Variants in MAF observed in about 807,000 individuals in gnomAD.
The protein encoded by MAF is MAF bZIP transcription factor.
A neutral mutation model predicts 22.0 loss-of-function variants in MAF; 10 were observed. That is an observed-to-expected ratio of 0.45 (90% CI 0.28 to 0.77). The LOEUF (loss-of-function observed/expected upper bound fraction) is 0.77. Among genes scored for constraint, MAF ranks in the 30% least tolerant of loss-of-function variants. The pLI is 0.12. For synonymous variants in MAF, 337 were observed against 255.8 expected (o/e 1.32, Z -3.03); for missense variants, 544 against 548.4 (o/e 0.99, Z 0.08).
chr16:79,424,879 A>T, the MAF span, among the ~76,000 whole-genome samples: 1 of 152,216 alleles, frequency 6.6e-6, no homozygotes, highest in Non-Finnish European at 1.5e-5. Flanking sequence ...CAATATCTAC[A>T]TATTTTCATT....
chr16:79,355,800 C>CGGCG, the MAF span, among the ~76,000 whole-genome samples: 1 of 152,240 alleles, frequency 6.6e-6, no homozygotes, highest in East Asian at 1.9e-4. Context: ...TGGCTATGGG[C>CGGCG]GGCGTGTGGG....
chr16:79,428,469 C>T, the MAF span, among the ~76,000 whole-genome samples: 6 of 152,258 alleles, frequency 3.9e-5, no homozygotes, highest in East Asian at 1.2e-3. Context: ...CTGGCATTTT[C>T]CTTTCAATTT....
At chr16:79,594,938 A>C in intron 1 of MAF, 1 of 1,123,484 alleles carries the variant, frequency 8.9e-7, no homozygotes, top group Non-Finnish European at 1.1e-6. Flanking sequence ...GCTTAATTCT[A>C]CACAACTATA....
downstream of MAF, among the ~76,000 whole-genome samples, chr16:79,591,471 T>C (rs1328207904): frequency 6.6e-6 from 1 of 152,176 alleles, no homozygotes; most frequent in Non-Finnish European, 1.5e-5. Context: ...ACAGTTCTAA[T>C]TATAGGGAAA....
chr16:79,566,317 C>T, the MAF span, among the ~76,000 whole-genome samples: 1 of 152,164 alleles, frequency 6.6e-6, no homozygotes, highest in African/African-American at 2.4e-5. Context: ...ATCTTAGGGT[C>T]TTACAAAAGG....
chr16:79,497,517 G>T, the MAF span, among the ~76,000 whole-genome samples: 1 of 152,200 alleles, frequency 6.6e-6, no homozygotes, highest in Non-Finnish European at 1.5e-5. Context: ...CCTATACCTA[G>T]CTCTTTTTTA....
chr16:79,419,591 T>A, the MAF span, among the ~76,000 whole-genome samples: 1 of 152,178 alleles, frequency 6.6e-6, no homozygotes, highest in Non-Finnish European at 1.5e-5. Flanking sequence ...ATCTTCCATG[T>A]CTGTTCTGGA....
chr16:79,426,824 AG>A, the MAF span, among the ~76,000 whole-genome samples: 1 of 152,236 alleles, frequency 6.6e-6, no homozygotes, highest in Non-Finnish European at 1.5e-5. Context: ...GGCTGGCGTG[AG>A]CCCGGAGTGC....
the MAF span, among the ~76,000 whole-genome samples, chr16:79,220,112 C>T: frequency 2.0e-5 from 3 of 151,774 alleles, no homozygotes; most frequent in African/African-American, 2.4e-5. Flanking sequence ...AAAAATTAGC[C>T]GGGTGTGGTG....
At chr16:79,385,118 C>A in the MAF span, among the ~76,000 whole-genome samples, 1 of 152,064 alleles carries the variant, frequency 6.6e-6, no homozygotes, top group Admixed American at 6.5e-5. Context: ...TTTTCAATAT[C>A]TTTATTCAAA....
the MAF span, among the ~76,000 whole-genome samples, chr16:79,359,564 A>T: frequency 6.6e-6 from 1 of 152,232 alleles, no homozygotes; most frequent in Non-Finnish European, 1.5e-5. Context: ...AGCCAGCCCC[A>T]ATTGCTGTTC....
the MAF span, among the ~76,000 whole-genome samples, chr16:79,576,658 C>T: frequency 4.6e-5 from 7 of 152,086 alleles, no homozygotes; most frequent in African/African-American, 9.6e-5. Context: ...AATATCATAA[C>T]GGCAAAGTGA....
At chr16:79,570,232 G>T in the MAF span, among the ~76,000 whole-genome samples, 1 of 151,994 alleles carries the variant, frequency 6.6e-6, no homozygotes, top group Non-Finnish European at 1.5e-5. Flanking sequence ...CACTACCTAA[G>T]CATCCTTCTG....
At chr16:79,202,967 G>C in the MAF span, 1 of 152,180 alleles carries the variant, frequency 6.6e-6, no homozygotes, top group African/African-American at 2.4e-5. Context: ...TCTATGCTAA[G>C]GTGTTGCATA....
At chr16:79,303,453 C>A in the MAF span, among the ~76,000 whole-genome samples, 2 of 152,124 alleles carry the variant, frequency 1.3e-5, no homozygotes, top group Admixed American at 6.5e-5. Context: ...ACTACCCAGG[C>A]AGCAATTCTT....
chr16:79,218,377 G>C, the MAF span, among the ~76,000 whole-genome samples: 4 of 152,236 alleles, frequency 2.6e-5, no homozygotes, highest in South Asian at 8.3e-4. Flanking sequence ...GTTTCTGTTA[G>C]AACTAATGGT....
At chr16:79,567,146 T>C in the MAF span, among the ~76,000 whole-genome samples, 2 of 152,114 alleles carry the variant, frequency 1.3e-5, no homozygotes, top group Admixed American at 1.3e-4. Context: ...GGCGAAACCC[T>C]GTCTCTACTA....
the MAF span, among the ~76,000 whole-genome samples, chr16:79,230,853 C>A: frequency 6.6e-6 from 1 of 151,982 alleles, no homozygotes; most frequent in Non-Finnish European, 1.5e-5. Context: ...TGAAGATAGG[C>A]GAATACATTT....
the MAF span, among the ~76,000 whole-genome samples, chr16:79,430,694 G>T: frequency 2.6e-5 from 4 of 152,178 alleles, no homozygotes; most frequent in Admixed American, 2.6e-4. Context: ...AAAGTGCCCG[G>T]CTAGGCCTGC....
Sources: allele counts gnomAD v4.1 joint callset (sites outside exome capture counted in the v4.1 genomes callset), GRCh38; gene constraint gnomAD v4.1.1; transcripts MANE v1.5; gene names NCBI Gene and HGNC (gene_info 2026-07-23, HGNC 2026-07-21).